PRPF6: variants seen among roughly 807,000 people sequenced by gnomAD.
PRPF6 encodes the protein pre-mRNA processing factor 6.
Under a neutral mutation model 118.3 loss-of-function variants are expected in PRPF6, and 42 were observed. The observed-to-expected ratio is 0.35, with a 90% CI of 0.28 to 0.46. PRPF6 has a LOEUF of 0.46. Among genes scored for constraint, PRPF6 ranks in the 20% least tolerant of loss-of-function variants. The probability of loss-of-function intolerance (pLI) is 1.00; values close to 1 mark genes in which losing one functional copy is unlikely to be tolerated. For missense variants in PRPF6, 662 were observed against 1,255.7 expected (o/e 0.53, Z 7.15); for synonymous variants, 481 against 485.1 (o/e 0.99, Z 0.11).
At chr20:64,002,149 G>C (rs1208490978) in intron 9 of PRPF6, among the ~76,000 whole-genome samples, 1 of 149,428 alleles carries the variant, frequency 6.7e-6, no homozygotes, top group Non-Finnish European at 1.5e-5. Flanking sequence ...CTCCTGAGTA[G>C]CTGGGACTAC....
intron 11 of PRPF6, among the ~76,000 whole-genome samples, chr20:64,014,661 AAAAT>A (rs1256378607): frequency 3.3e-5 from 5 of 152,204 alleles, no homozygotes; most frequent in African/African-American, 1.2e-4. Context: ...TCTGTCTCAA[AAAAT>A]AAATAAAATA....
chr20:63,984,153 G>C (rs932981834), intron 2 of PRPF6, among the ~76,000 whole-genome samples: 1 of 152,148 alleles, frequency 6.6e-6, no homozygotes, highest in Non-Finnish European at 1.5e-5. Flanking sequence ...AGGTGCGGTA[G>C]CTCACACCTA....
At chr20:63,988,261 A>C (rs186926461) in intron 3 of PRPF6, among the ~76,000 whole-genome samples, 1 of 151,684 alleles carries the variant, frequency 6.6e-6, no homozygotes, top group East Asian at 1.9e-4. Flanking sequence ...CAAATGTTGT[A>C]GTGAGCTGAG....
At chr20:64,031,060 A>G (rs1380548500) in intron 19 of PRPF6, among the ~76,000 whole-genome samples, 3 of 152,216 alleles carry the variant, frequency 2.0e-5, no homozygotes, top group African/African-American at 7.2e-5. Context: ...CTCTCATAGC[A>G]TGGACCTCTT....
At position 64,001,279 on chromosome 20, in the gene PRPF6, G is replaced by A. The variant is rs532304624; in HGVS notation, c.1186+40G>A. The A allele has an allele frequency of 3.7e-6, 6 of 1,611,422 alleles. No homozygotes were observed. The Admixed American group carries it at 1.0e-4, about 27-fold the overall frequency. On this transcript the variant is annotated intron_variant, in intron 9 of 20. Transcript: ENST00000266079. Reference sequence around the variant, plus strand: ...GAGGTGCTGCTTTCTCCCTCCTTGGGGCCCCTCCTCTCAGCAGCTTTCCTG... The same window carrying A: ...GAGGTGCTGCTTTCTCCCTCCTTGGAGCCCCTCCTCTCAGCAGCTTTCCTG...
Position 63,999,614 on chromosome 20 carries a change from A to G in PRPF6, c.878A>G (p.Lys293Arg). 1 of 1,614,100 alleles carries G rather than the reference A, an allele frequency of 6.2e-7. No individual in the cohort carries two copies. The highest frequency in any genetic ancestry group is 8.5e-7 in the Non-Finnish European group (1 of 1,180,046). The change falls in exon 8 of 21, where the codon AAG becomes AGG. Residue 293 changes from lysine to arginine, a missense_variant. Physicochemically the swap from Lys to Arg is conservative, Grantham distance 26 (BLOSUM62 2). Around this residue, in one of 10 missense-constraint regions of PRPF6, gnomAD observed 71 missense variants for 166.4 expected, o/e 0.43. Transcript: ENST00000266079. The part of the protein sequence containing the change: ...THGGDINDIK[K>R]ARLLLKSVRE... ...TCTCCCTCTCATAGTGATATCAAGA[A>G]GGCGCGACTGCTCCTCAAGTCTGTT... is the stretch of plus-strand genomic sequence containing the variant.
At chr20:64,004,031 T>C (rs2059179450) in intron 9 of PRPF6, among the ~76,000 whole-genome samples, 1 of 152,242 alleles carries the variant, frequency 6.6e-6, no homozygotes, top group South Asian at 2.1e-4. Context: ...GTCTGGGTAA[T>C]TAGTATTGTT....
At chr20:63,984,472 G>A (rs1042911783) in intron 2 of PRPF6, among the ~76,000 whole-genome samples, 1 of 151,910 alleles carries the variant, frequency 6.6e-6, no homozygotes, top group Admixed American at 6.6e-5. Flanking sequence ...GCAGGAATTT[G>A]CAAAAATAGT....
chr20:64,010,879 T>C (rs2059213814), intron 10 of PRPF6, among the ~76,000 whole-genome samples: 1 of 152,228 alleles, frequency 6.6e-6, no homozygotes, highest in African/African-American at 2.4e-5. Flanking sequence ...ATAAAGCCCG[T>C]ACACATCTTA....
At chr20:64,015,726 A>G (rs991167375) in intron 11 of PRPF6, among the ~76,000 whole-genome samples, 1 of 152,350 alleles carries the variant, frequency 6.6e-6, no homozygotes, top group East Asian at 1.9e-4. Flanking sequence ...TCTTTGCAGT[A>G]TAAGATTTAT....
At chr20:63,984,462 G>T (rs1366023910) in intron 2 of PRPF6, among the ~76,000 whole-genome samples, 1 of 151,888 alleles carries the variant, frequency 6.6e-6, no homozygotes, top group Non-Finnish European at 1.5e-5. Context: ...TTTTAAATTT[G>T]CAGGAATTTG....
intron 13 of PRPF6, among the ~76,000 whole-genome samples, chr20:64,023,707 C>T (rs763343391): frequency 1.6e-4 from 24 of 152,332 alleles, no homozygotes; most frequent in African/African-American, 5.8e-4. Flanking sequence ...TTTGAAATGG[C>T]TGCCATGGTG....
chr20:64,028,479 T>C lies in PRPF6; in HGVS notation c.2341T>C (p.Leu781=). The change falls in exon 18 of 21, where the codon TTG becomes CTG. Residue 781 remains leucine (L), a splice_region_variant and synonymous_variant. Transcript: ENST00000266079. This position sits in a 1 kb window ranked among gnomAD's most constrained non-coding sequence, Gnocchi z 6.5. Reference sequence around the variant, plus strand: ...ACCTCCGGGGGCCTGTCTCCTCAGGTTGGAGTCCGTGCGGCTGGAGTACCG... The same window carrying C: ...ACCTCCGGGGGCCTGTCTCCTCAGGCTGGAGTCCGTGCGGCTGGAGTACCG... ...LKNPKNPGLW[L]ESVRLEYRAG... is the part of the protein sequence containing the mutation. The C allele has an allele frequency of 1.2e-6, 2 of 1,613,908 alleles. No homozygotes were observed. The highest frequency in any genetic ancestry group is 8.5e-7 in the Non-Finnish European group (1 of 1,180,006).
intron 11 of PRPF6, among the ~76,000 whole-genome samples, chr20:64,016,144 C>A (rs571626825): frequency 1.3e-5 from 2 of 149,648 alleles, no homozygotes; most frequent in Non-Finnish European, 3.0e-5. Flanking sequence ...TTTTCTGAGA[C>A]GTAGTCTTGC....
At position 64,029,349 on chromosome 20, in the gene PRPF6, A is replaced by G. The variant is rs2059304812; in HGVS notation, c.2432-28A>G. On this transcript the variant is annotated intron_variant, in intron 18 of 20. Coordinates refer to ENST00000266079, the MANE Select transcript of PRPF6 (RefSeq NM_012469.4). This position sits in a 1 kb window ranked among gnomAD's most constrained non-coding sequence, Gnocchi z 4.8. ...TCCGGAACCAGAGGCTGGAGTGCAAATCTTTGTTCTTTGTTTCTGAATTAT... is the reference window on the plus strand; with the variant it reads ...TCCGGAACCAGAGGCTGGAGTGCAAGTCTTTGTTCTTTGTTTCTGAATTAT... The G allele has an allele frequency of 1.2e-6, 2 of 1,606,708 alleles. No individual in the cohort carries two copies. The highest frequency in any genetic ancestry group is 2.2e-5 in the East Asian group (1 of 44,860).
intron 3 of PRPF6, among the ~76,000 whole-genome samples, chr20:63,989,879 A>G (rs80321121): frequency 6.6e-6 from 1 of 152,088 alleles, no homozygotes; most frequent in African/African-American, 2.4e-5. Context: ...TTTTTTGAAG[A>G]TAATTTTAGA....
chr20:64,014,558 G>A (rs1306084348), intron 11 of PRPF6, among the ~76,000 whole-genome samples: 1 of 152,120 alleles, frequency 6.6e-6, no homozygotes, highest in African/African-American at 2.4e-5. Flanking sequence ...TCGGGAGGCT[G>A]AGGCAGGAGA....
At chr20:64,031,294 T>A (rs1470966023) in intron 19 of PRPF6, among the ~76,000 whole-genome samples, 1 of 152,270 alleles carries the variant, frequency 6.6e-6, no homozygotes, top group Non-Finnish European at 1.5e-5. Flanking sequence ...AGTTGCAGTT[T>A]AATTTTGTGT....
intron 11 of PRPF6, among the ~76,000 whole-genome samples, chr20:64,016,436 C>G (rs563748541): frequency 2.6e-4 from 39 of 152,074 alleles, no homozygotes; most frequent in African/African-American, 8.4e-4. Flanking sequence ...GACCTTGTCT[C>G]TTAAAAAAAT....
Sources: gnomAD v4.1 joint callset for allele counts (sites outside exome capture counted in the v4.1 genomes callset) on GRCh38, gnomAD v4.1.1 for gene constraint, gnomAD v4.1.1 regional missense constraint, Gnocchi (gnomAD v3.1) non-coding constraint, MANE v1.5 for transcripts, NCBI Gene and HGNC (gene_info 2026-07-23, HGNC 2026-07-21) for gene names.